The following IGSF11 variants were observed in gnomAD, a reference collection of about 807,000 sequenced individuals.
The protein encoded by IGSF11 is immunoglobulin superfamily member 11.
IGSF11 carries 22 observed loss-of-function variants against 41.0 expected under a neutral mutation model. The ratio of observed to expected loss-of-function variants is 0.54; its 90% CI spans 0.38 to 0.77. The LOEUF (loss-of-function observed/expected upper bound fraction) is 0.77. IGSF11 is among the 30% of genes least tolerant of loss of function. The pLI, the probability that IGSF11 is intolerant of heterozygous loss-of-function variation, is 0.00. For missense variants in IGSF11, 444 were observed against 530.8 expected (o/e 0.84, Z 1.61); for synonymous variants, 219 against 201.3 (o/e 1.09, Z -0.74).
chr3:119,034,577 A>G lies in IGSF11; in HGVS notation c.6T>C (p.Thr2=), dbSNP rs764764805. Residue 2 remains threonine, a synonymous_variant, in exon 1 of 7, where the codon ACT becomes ACC. Coordinates refer to ENST00000393775, the MANE Select transcript of IGSF11 (RefSeq NM_001015887.3). ...AAGGCGCCAGAGGGGAACGCTGAGA[A>G]GTCATCCCGGGGCCGCAGGGAGCGC... M[T]SQRSPLAPLL... The G allele has an allele frequency of 3.6e-5, 57 of 1,592,204 alleles. No homozygotes were observed. Among genetic ancestry groups the G allele is most frequent in the Non-Finnish European group, 4.6e-5 (54 of 1,170,638 alleles).
chr3:119,012,098 G>C (rs1042188335), intron 1 of IGSF11, among the ~76,000 whole-genome samples: 2 of 152,128 alleles, frequency 1.3e-5, no homozygotes, highest in African/African-American at 4.8e-5. Flanking sequence ...GAGGAATGGC[G>C]TTGCAAGGGT....
chr3:118,963,102 T>C (rs867632969), intron 1 of IGSF11, among the ~76,000 whole-genome samples: 124 of 152,290 alleles, frequency 8.1e-4, no homozygotes, highest in African/African-American at 2.6e-3. Flanking sequence ...TGGTGAACTA[T>C]AGAATGTGGT....
At chr3:119,010,309 G>A (rs1224274050) in intron 1 of IGSF11, among the ~76,000 whole-genome samples, 2 of 152,104 alleles carry the variant, frequency 1.3e-5, no homozygotes, top group African/African-American at 4.8e-5. Flanking sequence ...TGTTTAAAAG[G>A]AATAAAAAAT....
At chr3:119,009,126 G>A (rs142964905) in intron 1 of IGSF11, among the ~76,000 whole-genome samples, 2 of 152,168 alleles carry the variant, frequency 1.3e-5, no homozygotes, top group African/African-American at 4.8e-5. Context: ...GCATGAAAAA[G>A]TACACATTCT....
intron 1 of IGSF11, among the ~76,000 whole-genome samples, chr3:118,956,949 G>A (rs1161956906): frequency 6.6e-6 from 1 of 152,106 alleles, no homozygotes; most frequent in Non-Finnish European, 1.5e-5. Context: ...GCCTCTGTGA[G>A]TGTGTTGTGG....
At chr3:119,078,011 A>G (rs2076528326) in intron 1 of IGSF11, among the ~76,000 whole-genome samples, 1 of 152,198 alleles carries the variant, frequency 6.6e-6, no homozygotes, top group African/African-American at 2.4e-5. Flanking sequence ...AGCTGAAAGA[A>G]ATCAGCAATG....
chr3:118,970,688 G>A (rs1933290838), intron 1 of IGSF11, among the ~76,000 whole-genome samples: 1 of 146,892 alleles, frequency 6.8e-6, no homozygotes, highest in Admixed American at 6.9e-5. Context: ...TGTATTCTCA[G>A]TAATACACTC....
rs76442420 is a variant in IGSF11, at chr3:119,020,654, G to T, written c.52+13877C>A. Among the ~76,000 whole-genome samples, 642 of 152,302 alleles carry T rather than the reference G, an allele frequency of 4.2e-3. 7 individuals carry two copies. The highest frequency in any genetic ancestry group is 0.015 in the African/African-American group (627 of 41,576). ...CCTGAAGCATAATAAACCCTCAGTT[G>T]TTCCTTTTCTCCTTACAAACTATTG... On this transcript the variant is annotated intron_variant, in intron 1 of 6. Coordinates refer to ENST00000393775, the MANE Select transcript of IGSF11 (RefSeq NM_001015887.3).
intron 4 of IGSF11, among the ~76,000 whole-genome samples, chr3:118,912,438 G>GC (rs1271463077): frequency 6.6e-6 from 1 of 152,116 alleles, no homozygotes; most frequent in African/African-American, 2.4e-5. Context: ...TTCAATTGCT[G>GC]CAGGACAAAT....
At chr3:118,935,373 TATAC>T (rs1242523124) in intron 1 of IGSF11, among the ~76,000 whole-genome samples, 2 of 112,948 alleles carry the variant, frequency 1.8e-5, no homozygotes, top group African/African-American at 8.5e-5. Flanking sequence ...CCCTGAGATA[TATAC>T]ACACACACAC....
chr3:119,007,893 C>G (rs1437560000), intron 1 of IGSF11, among the ~76,000 whole-genome samples: 1 of 152,126 alleles, frequency 6.6e-6, no homozygotes, highest in Non-Finnish European at 1.5e-5. Flanking sequence ...AGTTCACTTC[C>G]ATTGCCTCCT....
intron 4 of IGSF11, among the ~76,000 whole-genome samples, chr3:118,913,895 T>C (rs1940677756): frequency 6.6e-6 from 1 of 152,084 alleles, no homozygotes; most frequent in Non-Finnish European, 1.5e-5. Flanking sequence ...ATTAAACATA[T>C]CAGACAGAAG....
intron 1 of IGSF11, among the ~76,000 whole-genome samples, chr3:119,129,947 T>C (rs937957100): frequency 2.6e-5 from 4 of 152,064 alleles, no homozygotes; most frequent in African/African-American, 4.8e-5. Context: ...ATCACACCAC[T>C]GCACTCCAGT....
At chr3:118,949,331 A>C (rs968804129) in intron 1 of IGSF11, 1 of 152,084 alleles carries the variant, frequency 6.6e-6, no homozygotes, top group Non-Finnish European at 1.5e-5. Flanking sequence ...GAGGAAAAAA[A>C]AAAAAAAAAA....
intron 1 of IGSF11, among the ~76,000 whole-genome samples, chr3:119,080,061 G>C (rs970728632): frequency 6.6e-5 from 10 of 152,084 alleles, no homozygotes; most frequent in African/African-American, 2.4e-4. Context: ...AAATAAAAAA[G>C]GGTTAGGTTA....
upstream of IGSF11, among the ~76,000 whole-genome samples, chr3:119,108,762 C>G (rs2077084576): frequency 6.9e-6 from 1 of 144,562 alleles, no homozygotes; most frequent in Middle Eastern, 3.6e-3. Context: ...AGATACGTCC[C>G]ATCAATACCT....
intron 1 of IGSF11, among the ~76,000 whole-genome samples, chr3:119,033,776 C>T (rs1223212462): frequency 6.6e-6 from 1 of 152,224 alleles, no homozygotes; most frequent in East Asian, 1.9e-4. Flanking sequence ...CAAAAACAAA[C>T]AGCACTGCAT....
intron 1 of IGSF11, among the ~76,000 whole-genome samples, chr3:119,130,004 TA>T (rs2077457432): frequency 6.6e-6 from 1 of 151,880 alleles, no homozygotes; most frequent in African/African-American, 2.4e-5. Context: ...TTTTTTTAAT[TA>T]AAAAAATTAA....
intron 4 of IGSF11, among the ~76,000 whole-genome samples, chr3:118,917,148 G>C (rs1941218141): frequency 6.7e-6 from 1 of 149,884 alleles, no homozygotes; most frequent in Non-Finnish European, 1.5e-5. Context: ...GCCCACAAGA[G>C]AAAGCAGGAA....
Sources: gnomAD v4.1 joint callset for allele counts (sites outside exome capture counted in the v4.1 genomes callset) on GRCh38, gnomAD v4.1.1 for gene constraint, MANE v1.5 for transcripts, NCBI Gene and HGNC (gene_info 2026-07-23, HGNC 2026-07-21) for gene names.